The following ANK2 variants were observed in gnomAD, a reference collection of about 807,000 sequenced individuals.
ANK2 encodes the protein ankyrin 2.
In ANK2, 83 loss-of-function variants were observed where a neutral mutation model predicts 360.5. That is an observed-to-expected ratio of 0.23 (90% confidence interval 0.19 to 0.28). The LOEUF is 0.28. ANK2 is among the 10% of genes least tolerant of loss of function. ANK2 has a pLI of 1.00. For synonymous variants in ANK2, 1,740 were observed against 1,759.5 expected (o/e 0.99, Z 0.28); for missense variants, 4,201 against 4,795.7 (o/e 0.88, Z 3.66).
chr4:113,152,453 T>C (rs1357073416), intron 1 of ANK2: 2 of 152,164 alleles, frequency 1.3e-5, no homozygotes, highest in Non-Finnish European at 2.9e-5. Context: ...TAGATTGACT[T>C]GTTTCCTGAA....
intron 29 of ANK2, among the ~76,000 whole-genome samples, chr4:113,334,495 G>T (rs940323889): frequency 1.3e-5 from 2 of 151,556 alleles, no homozygotes; most frequent in Non-Finnish European, 2.9e-5. Flanking sequence ...ATTTAAAAAT[G>T]AGCTTTTTAC....
the ANK2 span, among the ~76,000 whole-genome samples, chr4:112,795,438 C>G: frequency 1.3e-5 from 2 of 152,108 alleles, no homozygotes; most frequent in South Asian, 4.1e-4. Flanking sequence ...ATGAACAAGA[C>G]CTACAGACCC....
At chr4:112,706,212 C>G in the ANK2 span, among the ~76,000 whole-genome samples, 2 of 152,084 alleles carry the variant, frequency 1.3e-5, no homozygotes, top group Non-Finnish European at 2.9e-5. Context: ...GCCGCGGATT[C>G]GTCAGGTGGG....
intron 1 of ANK2, among the ~76,000 whole-genome samples, chr4:112,862,607 T>A (rs1397638281): frequency 6.6e-6 from 1 of 152,214 alleles, no homozygotes; most frequent in Non-Finnish European, 1.5e-5. Context: ...CTTTCAGAAG[T>A]GTTCTCTTCA....
At chr4:113,336,429 C>A in intron 30 of ANK2, 148 bp from the exon 31 acceptor site, 1 of 800,350 alleles carries the variant, frequency 1.2e-6, no homozygotes, top group Non-Finnish European at 1.9e-6. Flanking sequence ...TAATACTGAA[C>A]TTATGATTGC....
At chr4:112,877,842 C>T (rs2075570301) in intron 1 of ANK2, among the ~76,000 whole-genome samples, 1 of 152,190 alleles carries the variant, frequency 6.6e-6, no homozygotes, top group Admixed American at 6.5e-5. Context: ...CTTGGATTCT[C>T]CACCTAGCTA....
chr4:112,804,282 A>G, the ANK2 span, among the ~76,000 whole-genome samples: 70 of 152,244 alleles, frequency 4.6e-4, no homozygotes, highest in Middle Eastern at 3.4e-3. Flanking sequence ...GGCCTCCCAA[A>G]GTGCTGGGAT....
intron 1 of ANK2, among the ~76,000 whole-genome samples, chr4:113,154,709 A>T (rs1007006833): frequency 2.6e-5 from 4 of 152,202 alleles, no homozygotes; most frequent in African/African-American, 9.6e-5. Flanking sequence ...CATGTTCTTT[A>T]TTCTTGTTTT....
chr4:113,378,125 C>T, intron 45 of ANK2: 1 of 1,281,836 alleles, frequency 7.8e-7, no homozygotes, highest in Non-Finnish European at 1.0e-6. Flanking sequence ...TGAAAGTCCA[C>T]TTACCCAGTT....
chr4:112,958,855 C>CTTTTTCTTTTTT (rs891349166), intron 2 of ANK2, among the ~76,000 whole-genome samples: 2 of 150,662 alleles, frequency 1.3e-5, no homozygotes, highest in African/African-American at 4.9e-5. Flanking sequence ...ATTTCTTTTT[C>CTTTTTCTTTTTT]TTTTTTTTTG....
intron 42 of ANK2, among the ~76,000 whole-genome samples, chr4:113,368,710 T>C (rs1227500629): frequency 6.6e-6 from 1 of 152,168 alleles, no homozygotes; most frequent in South Asian, 2.1e-4. Context: ...GTCATTGACA[T>C]GAGAAGAGGA....
chr4:112,938,354 A>G (rs1056726689), intron 2 of ANK2, among the ~76,000 whole-genome samples: 1 of 152,144 alleles, frequency 6.6e-6, no homozygotes, highest in African/African-American at 2.4e-5. Flanking sequence ...TCTTTTTTCC[A>G]TCATTCTGTA....
the ANK2 span, among the ~76,000 whole-genome samples, chr4:112,764,195 G>A: frequency 6.6e-6 from 1 of 151,626 alleles, no homozygotes; most frequent in Non-Finnish European, 1.5e-5. Context: ...CGCCTGCATC[G>A]GCCTCCTAAA....
At chr4:113,199,991 G>A (rs2098806829) in intron 4 of ANK2, among the ~76,000 whole-genome samples, 1 of 152,054 alleles carries the variant, frequency 6.6e-6, no homozygotes, top group African/African-American at 2.4e-5. Flanking sequence ...CACAAGTTCT[G>A]GACCTAGAAA....
intron 2 of ANK2, among the ~76,000 whole-genome samples, chr4:113,018,270 A>G (rs1251368510): frequency 2.0e-5 from 3 of 152,190 alleles, no homozygotes; most frequent in Non-Finnish European, 4.4e-5. Context: ...AAAATTTGAA[A>G]TTAAGTCTAT....
chr4:112,881,046 A>G (rs143557402), intron 1 of ANK2, among the ~76,000 whole-genome samples: 306 of 152,228 alleles, frequency 2.0e-3, no homozygotes, highest in African/African-American at 6.9e-3. Context: ...CTGAATTCTC[A>G]CTCTCTTTTA....
chr4:113,154,295 G>A (rs941735093), intron 1 of ANK2, among the ~76,000 whole-genome samples: 2 of 152,164 alleles, frequency 1.3e-5, no homozygotes, highest in African/African-American at 4.8e-5. Context: ...TTTATTCATT[G>A]TTTAACCTTG....
intron 4 of ANK2, among the ~76,000 whole-genome samples, chr4:113,206,208 C>A (rs1445844760): frequency 6.6e-6 from 1 of 152,012 alleles, no homozygotes; most frequent in Non-Finnish European, 1.5e-5. Context: ...GGTATTAAGC[C>A]CAAAATGCAT....
At chr4:113,158,780 T>C (rs1409221854) in intron 1 of ANK2, among the ~76,000 whole-genome samples, 1 of 152,178 alleles carries the variant, frequency 6.6e-6, no homozygotes, top group Non-Finnish European at 1.5e-5. Context: ...ATGAGGTATC[T>C]ATGGTGTTAA....
Sources: gnomAD v4.1 joint callset for allele counts (sites outside exome capture counted in the v4.1 genomes callset) on GRCh38, gnomAD v4.1.1 for gene constraint, MANE v1.5 for transcripts, NCBI Gene and HGNC (gene_info 2026-07-23, HGNC 2026-07-21) for gene names.